The following RPS6KB1 variants were observed in gnomAD, a reference collection of about 807,000 sequenced individuals.
The protein encoded by RPS6KB1 is ribosomal protein S6 kinase beta-1.
In RPS6KB1, 12 loss-of-function variants were observed where a neutral mutation model predicts 70.2. The observed-to-expected ratio is 0.17, with a 90% CI of 0.11 to 0.28. The LOEUF (loss-of-function observed/expected upper bound fraction) is 0.28. RPS6KB1 is among the 10% of genes least tolerant of loss of function. The pLI is 1.00. For missense variants in RPS6KB1, 270 were observed against 646.6 expected (o/e 0.42, Z 6.32); for synonymous variants, 175 against 211.2 (o/e 0.83, Z 1.49).
intron 12 of RPS6KB1, among the ~76,000 whole-genome samples, chr17:59,938,132 T>G (rs2044343692): frequency 6.7e-6 from 1 of 149,840 alleles, no homozygotes; most frequent in Non-Finnish European, 1.5e-5. Context: ...GACAGTTTCC[T>G]TAGTTGTTTT....
In RPS6KB1 at chr17:59,927,619, G is replaced by A. The variant is rs150809207; in HGVS notation, c.529+1037G>A. ...CCTCCCAGGTTCAAGCGATTGTCCT[G>A]CCTCAGCCTCCTAATTAGCTGGGAC... On this transcript the variant is annotated intron_variant, in intron 5 of 14. Coordinates refer to ENST00000225577, the MANE Select transcript of RPS6KB1 (RefSeq NM_003161.4). Among the ~76,000 whole-genome samples, 170 of 150,424 alleles carry A rather than the reference G, an allele frequency of 1.1e-3. 1 individual carries two copies. Among genetic ancestry groups the A allele is most frequent in the Non-Finnish European group, 2.3e-3 (153 of 67,724 alleles).
intron 13 of RPS6KB1, 79 bp downstream of exon 13, chr17:59,941,022 G>A (rs1398539368): frequency 2.3e-6 from 2 of 858,880 alleles, no homozygotes; most frequent in Admixed American, 2.1e-5. Context: ...CAGTTTGCTT[G>A]CTTTGCAGTT....
rs563559437 is a variant in RPS6KB1 at position 59,925,399 on chromosome 17, A to G, written c.382-1036A>G. Among the ~76,000 whole-genome samples the G allele has an allele frequency of 6.6e-5, 10 of 152,310 alleles. No individual in the cohort carries two copies. In the East Asian group the frequency reaches 1.9e-3, roughly 29 times the overall value. On this transcript the variant is annotated intron_variant, in intron 4 of 14. Coordinates refer to ENST00000225577, the MANE Select transcript of RPS6KB1 (RefSeq NM_003161.4). ...TCTTTTGCCAATATTGAATGGCACC[A>G]TTATCTGTCCTATTACTTATGCAGA...
Position 59,934,781 on chromosome 17 carries a change from A to T in RPS6KB1, c.870+257A>T, listed in dbSNP as rs2044136527. 2.3e-6 allele frequency: 1 copy of T among 439,496 alleles called. No individual in the cohort carries two copies. The highest frequency in any genetic ancestry group is 4.0e-6 in the Non-Finnish European group (1 of 248,284). The allele number at this position is 439,496 out of a possible 1,614,324, so 27.2% of individuals were successfully genotyped here. On this transcript the variant is annotated intron_variant, in intron 9 of 14. Coordinates refer to ENST00000225577, the MANE Select transcript of RPS6KB1 (RefSeq NM_003161.4). This position sits in a 1 kb window ranked among gnomAD's most constrained non-coding sequence, Gnocchi z 4.8. ...AATAGATAATGCCCTTATTTTATAA[A>T]TGGAGAAATTGAAGCATAAAATCAC...
intron 1 of RPS6KB1, among the ~76,000 whole-genome samples, chr17:59,902,578 C>CTT (rs559757964): frequency 5.2e-4 from 70 of 134,320 alleles, no homozygotes; most frequent in East Asian, 8.7e-4. Flanking sequence ...TTTTTTGTTT[C>CTT]TTTTTTTTTT....
intron 13 of RPS6KB1, among the ~76,000 whole-genome samples, chr17:59,942,969 T>G (rs997326838): frequency 1.1e-4 from 16 of 150,768 alleles, no homozygotes; most frequent in African/African-American, 3.7e-4. Flanking sequence ...ATAGAGTGAG[T>G]GAGACTCCGT....
chr17:59,918,466 T>C (rs1193105763), intron 4 of RPS6KB1, among the ~76,000 whole-genome samples: 1 of 151,996 alleles, frequency 6.6e-6, no homozygotes, highest in East Asian at 1.9e-4. Context: ...GCCTCCTGCG[T>C]TCAAGCGATT....
rs563970284 is a variant in RPS6KB1, at chr17:59,927,918, G to T, written c.529+1336G>T. On this transcript the variant is annotated intron_variant, in intron 5 of 14. Transcript: ENST00000225577. The stretch of plus-strand genomic sequence containing the variant: ...CTCATGCCTGTAATCCCAGCACTTT[G>T]GGAGGCCAAGGTGGGCGGATCATGA... Among the ~76,000 whole-genome samples, 38 of 151,844 alleles carry T rather than the reference G, an allele frequency of 2.5e-4. No homozygotes were observed. The East Asian group carries it at 6.5e-3, about 26-fold the overall frequency.
chr17:59,929,352 G>A (rs1282864748), intron 5 of RPS6KB1, among the ~76,000 whole-genome samples: 3 of 152,092 alleles, frequency 2.0e-5, no homozygotes, highest in Admixed American at 1.3e-4. Context: ...GTCCGCCTCG[G>A]CCTCCCAAAG....
intron 4 of RPS6KB1, among the ~76,000 whole-genome samples, chr17:59,918,312 T>G (rs941865164): frequency 6.6e-6 from 1 of 152,118 alleles, no homozygotes; most frequent in African/African-American, 2.4e-5. Context: ...TATAGCAACC[T>G]GTTTAATGAG....
intron 4 of RPS6KB1, among the ~76,000 whole-genome samples, chr17:59,923,024 C>T (rs929736233): frequency 2.0e-5 from 3 of 149,508 alleles, no homozygotes; most frequent in South Asian, 2.1e-4. Flanking sequence ...CCACCATACC[C>T]AGCTGATTTT....
chr17:59,931,208 A>G (rs2043907331), intron 6 of RPS6KB1: 1 of 201,920 alleles, frequency 5.0e-6, no homozygotes, highest in African/African-American at 2.4e-5. Context: ...ACCTTTTGAA[A>G]TCAAGATGTG....
chr17:59,917,901 A>G (rs2043049219), intron 4 of RPS6KB1, among the ~76,000 whole-genome samples: 1 of 152,056 alleles, frequency 6.6e-6, no homozygotes, highest in South Asian at 2.1e-4. Flanking sequence ...TATCTTTTCC[A>G]CGTTTCCATT....
intron 13 of RPS6KB1, among the ~76,000 whole-genome samples, chr17:59,944,646 G>A (rs532204783): frequency 6.6e-6 from 1 of 152,240 alleles, no homozygotes; most frequent in Non-Finnish European, 1.5e-5. Context: ...AAGATCACAA[G>A]ATCTGACTTT....
At chr17:59,923,173 T>G (rs1470846049) in intron 4 of RPS6KB1, among the ~76,000 whole-genome samples, 12 of 152,000 alleles carry the variant, frequency 7.9e-5, no homozygotes, top group East Asian at 5.8e-4. Context: ...TTTTTTTTTT[T>G]TGTGAGACAG....
intron 13 of RPS6KB1, among the ~76,000 whole-genome samples, chr17:59,941,733 G>A (rs1244068046): frequency 1.3e-5 from 2 of 149,274 alleles, no homozygotes; most frequent in African/African-American, 2.5e-5. Context: ...TCCTGGGTTC[G>A]AGTGATTCTC....
chr17:59,926,062 C>A (rs7212338), intron 4 of RPS6KB1, among the ~76,000 whole-genome samples: 7,598 of 152,202 alleles, frequency 0.05, 594 homozygotes, highest in African/African-American at 0.17. Flanking sequence ...TTCCCTGAGA[C>A]TTTGGGCTCC....
chr17:59,914,106 A>C (rs1282720307), intron 3 of RPS6KB1, among the ~76,000 whole-genome samples: 1 of 152,200 alleles, frequency 6.6e-6, no homozygotes, highest in Non-Finnish European at 1.5e-5. Context: ...GTAGATTCAG[A>C]GGGCCAAGTA....
At chr17:59,937,408 G>T (rs996165009) in intron 12 of RPS6KB1, among the ~76,000 whole-genome samples, 1 of 152,152 alleles carries the variant, frequency 6.6e-6, no homozygotes, top group Non-Finnish European at 1.5e-5. Context: ...ACCACAAACC[G>T]GGTGGCTTAG....
Sources: allele counts gnomAD v4.1 joint callset (sites outside exome capture counted in the v4.1 genomes callset), GRCh38; gene constraint gnomAD v4.1.1; non-coding constraint Gnocchi (gnomAD v3.1); transcripts MANE v1.5; gene names NCBI Gene and HGNC (gene_info 2026-07-23, HGNC 2026-07-21).